Variants in SH3PXD2A observed in about 807,000 individuals in gnomAD.
SH3PXD2A encodes SH3 and PX domain-containing protein 2A.
Under a neutral mutation model 115.2 loss-of-function variants are expected in SH3PXD2A, and 32 were observed. The observed-to-expected ratio is 0.28, with a 90% CI of 0.21 to 0.37. The LOEUF (loss-of-function observed/expected upper bound fraction) is 0.37, where lower values mean the gene tolerates loss of function less well. Ranked by LOEUF, SH3PXD2A falls within the 10% of genes least tolerant of loss-of-function variation. The pLI is 1.00. For missense variants in SH3PXD2A, 1,328 were observed against 1,498.7 expected (o/e 0.89, Z 1.88); for synonymous variants, 610 against 629.1 (o/e 0.97, Z 0.45).
intron 6 of SH3PXD2A, among the ~76,000 whole-genome samples, chr10:103,691,391 G>T (rs535984031): frequency 1.4e-4 from 22 of 152,234 alleles, no homozygotes; most frequent in Non-Finnish European, 2.4e-4. Context: ...CTTGCCTAAG[G>T]TCACACAGAG....
chr10:103,794,947 A>G (rs906755259), intron 2 of SH3PXD2A, among the ~76,000 whole-genome samples: 7 of 152,200 alleles, frequency 4.6e-5, no homozygotes, highest in Admixed American at 6.5e-5. Flanking sequence ...TCTTCTTGCC[A>G]GGGCCCTAGA....
At chr10:103,795,833 C>CA (rs989257738) in intron 2 of SH3PXD2A, among the ~76,000 whole-genome samples, 3 of 146,644 alleles carry the variant, frequency 2.0e-5, no homozygotes, top group Admixed American at 1.4e-4. Flanking sequence ...ACAAGGCAGA[C>CA]ACTTAATATT....
At chr10:103,727,059 G>T (rs1202544071) in intron 4 of SH3PXD2A, among the ~76,000 whole-genome samples, 1 of 152,234 alleles carries the variant, frequency 6.6e-6, no homozygotes, top group East Asian at 1.9e-4. Context: ...TGAGGGCTTT[G>T]CAGTGTGTGC....
At chr10:103,840,960 C>T (rs988804567) in intron 1 of SH3PXD2A, among the ~76,000 whole-genome samples, 1 of 152,220 alleles carries the variant, frequency 6.6e-6, no homozygotes, top group Non-Finnish European at 1.5e-5. Flanking sequence ...CTAGAGATAT[C>T]TGGTTGTCAG....
intron 7 of SH3PXD2A, among the ~76,000 whole-genome samples, chr10:103,667,047 C>A (rs1329352023): frequency 1.3e-5 from 2 of 152,190 alleles, no homozygotes; most frequent in Non-Finnish European, 2.9e-5. Flanking sequence ...GGCCCCTGAT[C>A]TATAAGGATC....
intron 6 of SH3PXD2A, among the ~76,000 whole-genome samples, chr10:103,687,951 C>T (rs75076368): frequency 0.029 from 4,441 of 152,316 alleles, 70 homozygotes; most frequent in South Asian, 0.045. Flanking sequence ...GACTGCTCTT[C>T]CTCAGGTAAC....
At chr10:103,721,629 C>T (rs1007306187) in intron 5 of SH3PXD2A, among the ~76,000 whole-genome samples, 7 of 152,196 alleles carry the variant, frequency 4.6e-5, no homozygotes, top group South Asian at 2.1e-4. Flanking sequence ...CACACGATCA[C>T]GGGGGATCCC....
rs1482134925 is a variant in SH3PXD2A, at chr10:103,661,655, C to T, written c.473-541G>A. ...TGCAAACCCGAGAGAAAAGGCAGCC[C>T]TGCTCCCTCGGGCGGGAGAGGGAGA... is the stretch of plus-strand genomic sequence containing the variant. On this transcript the variant is annotated intron_variant, in intron 7 of 14. Coordinates refer to ENST00000369774, the MANE Select transcript of SH3PXD2A (RefSeq NM_001394015.1). 10 of 985,362 alleles carry T rather than the reference C, an allele frequency of 1.0e-5. No homozygotes were observed. In the South Asian group the frequency reaches 3.3e-4, roughly 32 times the overall value. The allele number at this position is 985,362 out of a possible 1,614,324, so 61.0% of individuals were successfully genotyped here. A position where few individuals can be genotyped will look rare whatever the true frequency, so the allele number is the denominator to read the frequency against.
chr10:103,660,989 C>T lies in SH3PXD2A; in HGVS notation c.598G>A (p.Glu200Lys), dbSNP rs769902522. The T allele has an allele frequency of 1.4e-5, 22 of 1,613,912 alleles. No homozygotes were observed. Among genetic ancestry groups the T allele is most frequent in the Non-Finnish European group, 1.8e-5 (21 of 1,179,910 alleles). ...CATTGGCCAGGGCACTCACCGCTCT[C>T]GTTCTTCTCGATGACATCCACCACC... ...GEVVDVIEKN[E>K]SGWWFVSTSE... The change falls in exon 8 of 15, where the codon GAG (glutamate) becomes AAG (lysine). Residue 200 changes from glutamate (E) to lysine (K), a missense_variant. By Grantham distance (56) the Glu-to-Lys change is moderately conservative. Coordinates refer to ENST00000369774, the MANE Select transcript of SH3PXD2A (RefSeq NM_001394015.1).
At chr10:103,749,274 G>A in intron 3 of SH3PXD2A, among the ~76,000 whole-genome samples, 1 of 152,148 alleles carries the variant, frequency 6.6e-6, no homozygotes, top group East Asian at 1.9e-4. Flanking sequence ...GGAACACAGG[G>A]GTGAAGACCA....
intron 8 of SH3PXD2A, among the ~76,000 whole-genome samples, chr10:103,636,106 G>A (rs1446495750): frequency 6.6e-6 from 1 of 152,198 alleles, no homozygotes; most frequent in East Asian, 1.9e-4. Flanking sequence ...ACCAGAGGAG[G>A]GAGGGAAAGA....
chr10:103,798,504 T>C (rs1264756902), intron 2 of SH3PXD2A, among the ~76,000 whole-genome samples: 1 of 152,124 alleles, frequency 6.6e-6, no homozygotes, highest in Non-Finnish European at 1.5e-5. Flanking sequence ...AGGGGGTCTG[T>C]GAACACTTGC....
intron 14 of SH3PXD2A, among the ~76,000 whole-genome samples, chr10:103,604,982 A>G (rs951229227): frequency 2.0e-5 from 3 of 152,234 alleles, no homozygotes; most frequent in Non-Finnish European, 4.4e-5. Context: ...CACTTGTATT[A>G]GATGGAGTTA....
intron 13 of SH3PXD2A, among the ~76,000 whole-genome samples, chr10:103,610,723 C>A (rs767333661): frequency 1.2e-4 from 19 of 152,162 alleles, no homozygotes; most frequent in Non-Finnish European, 2.2e-4. Context: ...AAATGGAAAC[C>A]TGTTTGCTAG....
intron 8 of SH3PXD2A, among the ~76,000 whole-genome samples, chr10:103,639,124 G>A (rs552405165): frequency 6.6e-6 from 1 of 152,286 alleles, no homozygotes; most frequent in East Asian, 1.9e-4. Flanking sequence ...GCGGCAGGGC[G>A]ACCCAGACAG....
At chr10:103,661,897 G>A in intron 7 of SH3PXD2A, 1 of 985,170 alleles carries the variant, frequency 1.0e-6, no homozygotes, top group Non-Finnish European at 1.2e-6. Context: ...CGGCTGGCGA[G>A]CCCAGCCCGC....
intron 5 of SH3PXD2A, among the ~76,000 whole-genome samples, chr10:103,716,961 T>C (rs2038112647): frequency 6.6e-6 from 1 of 152,200 alleles, no homozygotes; most frequent in Non-Finnish European, 1.5e-5. Flanking sequence ...CATCCCACCA[T>C]GATGGGGACA....
intron 1 of SH3PXD2A, among the ~76,000 whole-genome samples, chr10:103,828,839 C>T (rs529661728): frequency 2.6e-5 from 4 of 152,200 alleles, no homozygotes; most frequent in East Asian, 1.9e-4. Context: ...CACAGTTGGA[C>T]GATTGCTTGG....
chr10:103,819,435 G>A (rs564178790), intron 1 of SH3PXD2A, among the ~76,000 whole-genome samples: 1 of 152,260 alleles, frequency 6.6e-6, no homozygotes, highest in South Asian at 2.1e-4. Context: ...CTAGGGGAGG[G>A]GGCATGACAC....
Sources: gnomAD v4.1 joint callset for allele counts (sites outside exome capture counted in the v4.1 genomes callset) on GRCh38, gnomAD v4.1.1 for gene constraint, MANE v1.5 for transcripts, NCBI Gene and HGNC (gene_info 2026-07-23, HGNC 2026-07-21) for gene names.